PDLIM3: variants seen among roughly 807,000 people sequenced by gnomAD.
PDLIM3 encodes the protein PDZ and LIM domain 3.
A neutral mutation model predicts 37.3 loss-of-function variants in PDLIM3; 36 were observed. The observed-to-expected ratio is 0.97, with a 90% CI of 0.74 to 1.28. The LOEUF (loss-of-function observed/expected upper bound fraction) is 1.28. PDLIM3 is among the 50% of genes most tolerant of loss of function. PDLIM3 has a pLI of 0.00. For missense variants in PDLIM3, 454 were observed against 485.0 expected, an observed-to-expected ratio of 0.94 and a Z score of 0.60; for synonymous variants, 174 against 182.4, an observed-to-expected ratio of 0.95 and a Z score of 0.37.
chr4:185,524,894 T>C, intron 2 of PDLIM3, 126 bp downstream of exon 2: 2 of 851,536 alleles, frequency 2.3e-6, no homozygotes, highest in Non-Finnish European at 4.0e-6. Context: ...GTAGCTAATA[T>C]ATAAAAAGTC....
chr4:185,516,803 A>G (rs1392976965), intron 3 of PDLIM3: 1 of 152,252 alleles, frequency 6.6e-6, no homozygotes, highest in Non-Finnish European at 1.5e-5. Flanking sequence ...CATTTCTCTC[A>G]CCAACCTTGG....
In PDLIM3 at chr4:185,502,471, C is replaced by T. The variant is rs1233508938; in HGVS notation, c.918G>A (p.Val306=). 2 of 1,614,088 alleles carry T rather than the reference C, an allele frequency of 1.2e-6. No individual in the cohort carries two copies. Among genetic ancestry groups the T allele is most frequent in the Non-Finnish European group, 1.7e-6 (2 of 1,179,998 alleles). The change falls in exon 8 of 8, where the codon GTG becomes GTA. Residue 306 remains valine (V), a synonymous_variant. Coordinates refer to ENST00000284767, the MANE Select transcript of PDLIM3 (RefSeq NM_014476.6). The part of the protein sequence containing the change: ...KCGSGIVGAV[V]KARDKYRHPE... ...GGTGCCGGTACTTATCCCGCGCCTT[C>T]ACCACAGCACCGCTGTTGGGGAAGA... is the stretch of plus-strand genomic sequence containing the variant.
At position 185,503,654 on chromosome 4, in the gene PDLIM3, A is replaced by G. The variant is rs2095691343; in HGVS notation, c.905+821T>C. On this transcript the variant is annotated intron_variant, in intron 7 of 7. Transcript: ENST00000284767. ...TGCACTAGCAAGTGTGGCTATTTAA[A>G]CATAAGGTCCCTGCCGGGCACGGTG... is the stretch of plus-strand genomic sequence containing the variant. Among the ~76,000 whole-genome samples, 3 of 152,150 alleles carry G rather than the reference A, an allele frequency of 2.0e-5. No individual in the cohort carries two copies. The South Asian group carries it at 6.2e-4, about 32-fold the overall frequency.
At chr4:185,503,704 T>G (rs2095691467) in intron 7 of PDLIM3, among the ~76,000 whole-genome samples, 1 of 152,162 alleles carries the variant, frequency 6.6e-6, no homozygotes, top group South Asian at 2.1e-4. Flanking sequence ...TCCCAGCACT[T>G]TGGGAGGCCG....
At chr4:185,527,925 A>C (rs2095737065) in intron 1 of PDLIM3, among the ~76,000 whole-genome samples, 2 of 152,092 alleles carry the variant, frequency 1.3e-5, no homozygotes, top group African/African-American at 4.8e-5. Flanking sequence ...ATAATGGTGC[A>C]CACCTGTAGT....
intron 3 of PDLIM3, chr4:185,515,028 A>G (rs2095712862): frequency 1.6e-6 from 1 of 639,862 alleles, no homozygotes; most frequent in Non-Finnish European, 2.5e-6. Flanking sequence ...AGGAGGAGTT[A>G]GCCATAAACT....
In PDLIM3 at chr4:185,504,518, C is replaced by T. The variant is rs1561189423; in HGVS notation, c.862G>A (p.Ala288Thr). The T allele has an allele frequency of 2.5e-6, 4 of 1,614,108 alleles. No homozygotes were observed. Among genetic ancestry groups the T allele is most frequent in the Non-Finnish European group, 3.4e-6 (4 of 1,179,974 alleles). Residue 288 changes from alanine to threonine, a missense_variant, in exon 7 of 8, where the codon GCA (alanine) becomes ACA (threonine). Physicochemically the swap from Ala to Thr is moderately conservative, Grantham distance 58. Transcript: ENST00000284767. This position sits in a 1 kb window ranked among gnomAD's most constrained non-coding sequence, Gnocchi z 4.7. ...VTKVHGGSGG[A>T]QRMPLCDKCG... ...TTGTCACAGAGCGGCATCCTCTGTG[C>T]CCCGCCTGAACCGCCATGGACTTTC...
intron 2 of PDLIM3, among the ~76,000 whole-genome samples, chr4:185,523,869 C>T (rs977686957): frequency 1.3e-5 from 2 of 151,778 alleles, no homozygotes; most frequent in East Asian, 1.9e-4. Context: ...CCGCCCAGTT[C>T]GGCCTCCCAA....
chr4:185,529,268 C>T (rs1000176885), intron 1 of PDLIM3, among the ~76,000 whole-genome samples: 4 of 152,120 alleles, frequency 2.6e-5, no homozygotes, highest in Admixed American at 6.5e-5. Flanking sequence ...TTTCAACAAG[C>T]GCCTCAGATG....
intron 4 of PDLIM3, among the ~76,000 whole-genome samples, chr4:185,510,922 A>C (rs1335250319): frequency 1.3e-5 from 2 of 152,222 alleles, no homozygotes; most frequent in Admixed American, 1.3e-4. Flanking sequence ...GTCACTGTGG[A>C]TATCACTGGG....
At chr4:185,523,294 C>T in intron 3 of PDLIM3, 68 bp downstream of exon 3, 1 of 1,076,418 alleles carries the variant, frequency 9.3e-7, no homozygotes, top group East Asian at 2.4e-5. Context: ...GTCTCTTCCT[C>T]CCCTTGGAAG....
At chr4:185,513,139 G>T (rs2095709253) in intron 4 of PDLIM3, 2 of 983,394 alleles carry the variant, frequency 2.0e-6, no homozygotes, top group Non-Finnish European at 2.4e-6. Context: ...GAGCCAGTCA[G>T]ACCAGGCCCC....
At chr4:185,535,288 C>T (rs2095751725) in intron 1 of PDLIM3, 54 bp downstream of exon 1, 2 of 1,479,462 alleles carry the variant, frequency 1.4e-6, no homozygotes, top group Non-Finnish European at 1.9e-6. Flanking sequence ...TGCGTCCCCC[C>T]GGACGCCGCC....
chr4:185,513,697 G>A (rs2095710270), intron 4 of PDLIM3: 5 of 1,002,274 alleles, frequency 5.0e-6, no homozygotes, highest in Non-Finnish European at 6.0e-6. Context: ...TCAGAAGGAT[G>A]GAACAGAGGT....
rs4862543 is a variant in PDLIM3, at chr4:185,523,544, A to C, written c.246-98T>G. On this transcript the variant is annotated intron_variant, in intron 2 of 7. Transcript: ENST00000284767. ...ATTATGTTTGTGAAAATACTAGCAA[A>C]CCTCACTAACTTATGCAAAAACAAT... 0.82 allele frequency: 612,775 copies of C among 746,092 alleles called. 255,296 individuals are homozygous for C. The highest frequency in any genetic ancestry group is 0.87 in the Non-Finnish European group (382,202 of 439,874). 46.2% of individuals were successfully genotyped at this position (746,092 alleles called of 1,614,324 possible).
rs1259024974 is a variant in PDLIM3 at position 185,514,255 on chromosome 4, C to A, written c.398+15G>T. 1 of 1,614,210 alleles carries A rather than the reference C, an allele frequency of 6.2e-7. No homozygotes were observed. Among genetic ancestry groups the A allele is most frequent in the Non-Finnish European group, 8.5e-7 (1 of 1,180,044 alleles). ...AAGCATGCACTGCAAACTCCACAGT[C>A]TCAGCGCTTATGACCTGCTTCGGCC... On this transcript the variant is annotated intron_variant, in intron 4 of 7. Coordinates refer to ENST00000284767, the MANE Select transcript of PDLIM3 (RefSeq NM_014476.6). The surrounding 1 kb of genome is among the most constrained non-coding windows in gnomAD (Gnocchi z 4.0).
chr4:185,512,503 A>G (rs1451555251), intron 4 of PDLIM3: 1 of 171,844 alleles, frequency 5.8e-6, no homozygotes, highest in Non-Finnish European at 1.2e-5. Context: ...AAATGACAAC[A>G]TTATGAGTGG....
At chr4:185,528,967 G>A (rs1244012777) in intron 1 of PDLIM3, among the ~76,000 whole-genome samples, 1 of 152,052 alleles carries the variant, frequency 6.6e-6, no homozygotes, top group African/African-American at 2.4e-5. Context: ...CTTTGTATTA[G>A]CATGCACAGT....
chr4:185,504,012 G>T lies in PDLIM3; in HGVS notation c.905+463C>A, dbSNP rs1182443667. ...TTTTCAATATTTTGTTTCAACATTTGTGTAACTTACACTGGGTAAGGATAA... is the reference window on the plus strand; with the variant it reads ...TTTTCAATATTTTGTTTCAACATTTTTGTAACTTACACTGGGTAAGGATAA... On this transcript the variant is annotated intron_variant, in intron 7 of 7. Transcript: ENST00000284767. The surrounding 1 kb of genome is among the most constrained non-coding windows in gnomAD (Gnocchi z 4.7). Among the ~76,000 whole-genome samples the T allele has an allele frequency of 6.6e-6, 1 of 151,868 alleles. No homozygotes were observed. Among genetic ancestry groups the T allele is most frequent in the Non-Finnish European group, 1.5e-5 (1 of 67,976 alleles).
Sources: allele counts gnomAD v4.1 joint callset (sites outside exome capture counted in the v4.1 genomes callset), GRCh38; gene constraint gnomAD v4.1.1; non-coding constraint Gnocchi (gnomAD v3.1); transcripts MANE v1.5; gene names NCBI Gene and HGNC (gene_info 2026-07-23, HGNC 2026-07-21).